Variants in BEND6 observed in about 807,000 individuals in gnomAD.
The protein encoded by BEND6 is BEN domain-containing protein 6.
Under a neutral mutation model 31.8 loss-of-function variants are expected in BEND6, and 24 were observed. That is an observed-to-expected ratio of 0.75 (90% confidence interval 0.55 to 1.06). The LOEUF (loss-of-function observed/expected upper bound fraction) is 1.06, where lower values mean the gene tolerates loss of function less well. Ranked by LOEUF, BEND6 falls within the 50% of genes least tolerant of loss-of-function variation. The probability of loss-of-function intolerance (pLI) is 0.00; values close to 1 mark genes in which losing one functional copy is unlikely to be tolerated. For synonymous variants in BEND6, 109 were observed against 114.6 expected (o/e 0.95, Z 0.31); for missense variants, 294 against 327.4 (o/e 0.90, Z 0.79).
intron 1 of BEND6, among the ~76,000 whole-genome samples, chr6:56,966,146 G>A (rs146966356): frequency 0.013 from 2,039 of 152,210 alleles, 49 homozygotes; most frequent in African/African-American, 0.046. Flanking sequence ...CTGTCACCCA[G>A]GCTGGAGTGC....
intron 3 of BEND6, among the ~76,000 whole-genome samples, chr6:56,996,331 C>T (rs1826709691): frequency 1.3e-5 from 2 of 152,074 alleles, no homozygotes; most frequent in African/African-American, 4.8e-5. Flanking sequence ...CCTATGGTCC[C>T]AGCTACCCGG....
At chr6:56,978,608 G>A (rs1825968328) in intron 1 of BEND6, among the ~76,000 whole-genome samples, 2 of 152,112 alleles carry the variant, frequency 1.3e-5, no homozygotes, top group South Asian at 2.1e-4. Flanking sequence ...TGTCAACAGT[G>A]AACATTCATT....
At chr6:57,001,977 A>G (rs999765292) in intron 3 of BEND6, among the ~76,000 whole-genome samples, 12 of 152,224 alleles carry the variant, frequency 7.9e-5, no homozygotes. Context: ...AGTAGACCTC[A>G]TATGTAATGA....
chr6:57,005,595 G>T (rs564648020), intron 3 of BEND6, among the ~76,000 whole-genome samples: 1 of 151,360 alleles, frequency 6.6e-6, no homozygotes, highest in East Asian at 2.0e-4. Flanking sequence ...CGGGAGAATC[G>T]CTTGAACCCG....
chr6:56,978,297 A>G (rs1280433976), intron 1 of BEND6, among the ~76,000 whole-genome samples: 2 of 152,118 alleles, frequency 1.3e-5, no homozygotes, highest in South Asian at 2.1e-4. Flanking sequence ...AAAATAAAAT[A>G]AAATAAAATA....
At chr6:57,018,363 A>G (rs1406686961) in intron 5 of BEND6, 58 bp from the exon 6 acceptor site, 1 of 1,528,672 alleles carries the variant, frequency 6.5e-7, no homozygotes, top group Non-Finnish European at 8.7e-7. Context: ...CTCAGTTCAT[A>G]CCCTAAGATG....
intron 2 of BEND6, among the ~76,000 whole-genome samples, chr6:56,987,088 G>A (rs920988987): frequency 2.0e-5 from 3 of 147,200 alleles, no homozygotes; most frequent in Non-Finnish European, 4.4e-5. Flanking sequence ...AACAATTCTC[G>A]TGCCTCAGCC....
At chr6:57,025,224 C>T (rs886072392) in intron 6 of BEND6, among the ~76,000 whole-genome samples, 1 of 152,104 alleles carries the variant, frequency 6.6e-6, no homozygotes, top group Non-Finnish European at 1.5e-5. Flanking sequence ...TGATTTCTTG[C>T]TTTGTCTGTA....
chr6:56,960,984 A>G (rs986353931), intron 1 of BEND6, among the ~76,000 whole-genome samples: 2 of 151,342 alleles, frequency 1.3e-5, no homozygotes, highest in African/African-American at 4.8e-5. Flanking sequence ...TGCCAGTCCT[A>G]TCTCTACTGT....
At chr6:56,992,906 A>G (rs1826563658) in intron 3 of BEND6, among the ~76,000 whole-genome samples, 1 of 152,244 alleles carries the variant, frequency 6.6e-6, no homozygotes, top group African/African-American at 2.4e-5. Flanking sequence ...TAAGTTACTC[A>G]TGATGTACTT....
At chr6:56,985,106 C>A (rs1390468712) in intron 2 of BEND6, among the ~76,000 whole-genome samples, 2 of 152,158 alleles carry the variant, frequency 1.3e-5, no homozygotes, top group African/African-American at 4.8e-5. Context: ...AAAGGTATTC[C>A]AGGTGACTGT....
At chr6:56,972,813 A>G (rs868326154) in intron 1 of BEND6, among the ~76,000 whole-genome samples, 29 of 152,244 alleles carry the variant, frequency 1.9e-4, no homozygotes, top group African/African-American at 6.5e-4. Context: ...TCTGTAAGTT[A>G]GAAAGTACAA....
At chr6:56,982,518 A>G (rs1025667680) in intron 2 of BEND6, among the ~76,000 whole-genome samples, 1 of 151,954 alleles carries the variant, frequency 6.6e-6, no homozygotes, top group African/African-American at 2.4e-5. Context: ...CCCCACTCCC[A>G]TTCCCCTCCT....
chr6:56,993,879 C>T (rs1009197015), intron 3 of BEND6, among the ~76,000 whole-genome samples: 17 of 151,974 alleles, frequency 1.1e-4, no homozygotes, highest in African/African-American at 4.1e-4. Flanking sequence ...TTAAATTTTT[C>T]ATAGAGATGG....
intron 2 of BEND6, among the ~76,000 whole-genome samples, chr6:56,983,628 A>G (rs1019556737): frequency 4.6e-5 from 7 of 152,154 alleles, no homozygotes; most frequent in African/African-American, 1.7e-4. Context: ...CATTGTGGCA[A>G]ATAGCAAGAT....
intron 3 of BEND6, among the ~76,000 whole-genome samples, chr6:56,997,561 A>T (rs1193693782): frequency 6.6e-6 from 1 of 151,994 alleles, no homozygotes; most frequent in African/African-American, 2.4e-5. Flanking sequence ...CATTTTATTT[A>T]TTTATTTTTT....
At chr6:56,967,661 A>G (rs1825532738) in intron 1 of BEND6, among the ~76,000 whole-genome samples, 1 of 152,198 alleles carries the variant, frequency 6.6e-6, no homozygotes. Context: ...ATAAACACTG[A>G]TGAACAAGCC....
chr6:57,007,876 A>T (rs897847131), intron 3 of BEND6, among the ~76,000 whole-genome samples: 2 of 152,170 alleles, frequency 1.3e-5, no homozygotes, highest in African/African-American at 4.8e-5. Flanking sequence ...GAGGCCCAAT[A>T]ACAGGAAGCA....
chr6:56,981,735 G>A lies in BEND6; in HGVS notation c.-76G>A, dbSNP rs953335654. On this transcript the variant is annotated 5_prime_UTR_variant, in exon 2 of 7. Transcript: ENST00000370746. ...GGGAAAGCATTAACTTTTGAGCTAC[G>A]TCCAGAATAGCATCATCTTCATGGG... is the stretch of plus-strand genomic sequence containing the variant. 18 of 1,532,632 alleles carry A rather than the reference G, an allele frequency of 1.2e-5. No homozygotes were observed. The highest frequency in any genetic ancestry group is 2.3e-5 in the East Asian group (1 of 43,528). The allele number at this position is 1,532,632 out of a possible 1,614,324, so 94.9% of individuals were successfully genotyped here. A position where few individuals can be genotyped will look rare whatever the true frequency, so the allele number is the denominator to read the frequency against.
Sources: allele counts gnomAD v4.1 joint callset (sites outside exome capture counted in the v4.1 genomes callset), GRCh38; gene constraint gnomAD v4.1.1; transcripts MANE v1.5; gene names NCBI Gene and HGNC (gene_info 2026-07-23, HGNC 2026-07-21).